STRIP2: variants seen among roughly 807,000 people sequenced by gnomAD.
The protein encoded by STRIP2 is striatin-interacting protein 2.
STRIP2 carries 84 observed loss-of-function variants against 107.1 expected under a neutral mutation model. The observed-to-expected ratio is 0.78, with a 90% CI of 0.66 to 0.94. The LOEUF (loss-of-function observed/expected upper bound fraction) is 0.94. Among genes scored for constraint, STRIP2 ranks in the 40% least tolerant of loss-of-function variants. The probability of loss-of-function intolerance (pLI) is 0.00; values close to 1 mark genes in which losing one functional copy is unlikely to be tolerated. For missense variants in STRIP2, 888 were observed against 1,034.2 expected (o/e 0.86, Z 1.94); for synonymous variants, 394 against 400.4 (o/e 0.98, Z 0.19).
intron 7 of STRIP2, among the ~76,000 whole-genome samples, 175 bp from the exon 8 acceptor site, chr7:129,455,068 TC>T (rs1798305590): frequency 6.6e-6 from 1 of 152,238 alleles, no homozygotes; most frequent in African/African-American, 2.4e-5. Context: ...TGGCGTCCCT[TC>T]CTGCCCTTGA....
Position 129,481,498 on chromosome 7 carries a change from A to AAATAAT in STRIP2, c.2049+628_2049+633dup, listed in dbSNP as rs145902870. ...GGCAACGGAGTGAGACTCCGTCTCA[A>AAATAAT]AATAATAATAATAATAATAATAATG... is the stretch of plus-strand genomic sequence containing the variant. On this transcript the variant is annotated intron_variant, in intron 19 of 20. Transcript: ENST00000249344. Among the ~76,000 whole-genome samples, 513 of 151,700 alleles carry AAATAAT rather than the reference A, an allele frequency of 3.4e-3. 3 individuals are homozygous for AAATAAT. The highest frequency in any genetic ancestry group is 9.6e-3 in the African/African-American group (396 of 41,426).
chr7:129,476,380 C>G (rs1323574305), intron 18 of STRIP2, among the ~76,000 whole-genome samples: 2 of 127,592 alleles, frequency 1.6e-5, no homozygotes, highest in East Asian at 2.6e-4. Context: ...ACTTCTCAGA[C>G]GGGGCGGCTG....
At position 129,437,814 on chromosome 7, in the gene STRIP2, T is replaced by G. The variant is rs547670958; in HGVS notation, c.130-2208T>G. Among the ~76,000 whole-genome samples, 63 of 149,920 alleles carry G rather than the reference T, an allele frequency of 4.2e-4. No homozygotes were observed. The East Asian group carries it at 8.7e-3, about 21-fold the overall frequency. ...ATGATTCGCCTTGTTTTTTTTTGTTTTTTTTTTTTTTGACAGAGTCTCACT... is the reference window on the plus strand; with the variant it reads ...ATGATTCGCCTTGTTTTTTTTTGTTGTTTTTTTTTTTGACAGAGTCTCACT... On this transcript the variant is annotated intron_variant, in intron 1 of 20. Transcript: ENST00000249344.
chr7:129,465,035 G>A (rs1486905718), intron 16 of STRIP2, among the ~76,000 whole-genome samples: 1 of 150,196 alleles, frequency 6.7e-6, no homozygotes, highest in African/African-American at 2.5e-5. Flanking sequence ...AAGAGAGAAT[G>A]TAAGCATTTC....
At chr7:129,443,991 C>T in intron 2 of STRIP2, 33 bp from the exon 3 acceptor site, 3 of 1,569,068 alleles carry the variant, frequency 1.9e-6, no homozygotes, top group Non-Finnish European at 2.6e-6. Context: ...TAAGGATCTC[C>T]CGAATGTGAC....
chr7:129,440,955 TAG>T (rs998734337), intron 2 of STRIP2, among the ~76,000 whole-genome samples: 7 of 152,064 alleles, frequency 4.6e-5, no homozygotes, highest in African/African-American at 1.7e-4. Flanking sequence ...GACAGAGAAA[TAG>T]AGAGCTAAGT....
chr7:129,456,323 G>T (rs1488122344), intron 8 of STRIP2, 116 bp from the exon 9 acceptor site: 31 of 838,738 alleles, frequency 3.7e-5, no homozygotes, highest in Non-Finnish European at 5.5e-5. Context: ...TTAAGGAAAA[G>T]GTCTGAAGGG....
intron 18 of STRIP2, among the ~76,000 whole-genome samples, chr7:129,478,342 T>C (rs1010696570): frequency 5.9e-5 from 9 of 152,002 alleles, no homozygotes; most frequent in Non-Finnish European, 7.4e-5. Context: ...AAACCCCATC[T>C]CTACTAAAAA....
Position 129,482,911 on chromosome 7 carries a change from CT to C in STRIP2, c.2122del (p.Tyr708MetfsTer3). 1 of 1,614,146 alleles carries C rather than the reference CT, an allele frequency of 6.2e-7. No homozygotes were observed. Among genetic ancestry groups the C allele is most frequent in the South Asian group, 1.1e-5 (1 of 91,076 alleles). The part of the protein sequence containing the change: ...ALKVKQAMLQ[L>X]YVLKLLKLQT... ...CAAGGTCAAACAGGCCATGCTGCAA[CT>C]TTATGTCCTAAAGCTACTAAAGTTA... On this transcript the variant is annotated frameshift_variant, in exon 20 of 21. Coordinates refer to ENST00000249344, the MANE Select transcript of STRIP2 (RefSeq NM_020704.3). LOFTEE classifies it high-confidence loss of function.
intron 1 of STRIP2, among the ~76,000 whole-genome samples, chr7:129,437,527 TG>T (rs1433289074): frequency 4.0e-5 from 6 of 151,176 alleles, no homozygotes; most frequent in Admixed American, 1.3e-4. Flanking sequence ...TGTTCCAGTT[TG>T]TGTGTGTGTG....
At chr7:129,444,370 T>A (rs190738173) in intron 3 of STRIP2, among the ~76,000 whole-genome samples, 1 of 152,256 alleles carries the variant, frequency 6.6e-6, no homozygotes, top group East Asian at 1.9e-4. Context: ...ACTGAAGAAC[T>A]TGGAGTCCGA....
chr7:129,460,348 G>A lies in STRIP2; in HGVS notation c.1452G>A (p.Glu484=), dbSNP rs1245418355. 1 of 1,614,002 alleles carries A rather than the reference G, an allele frequency of 6.2e-7. No individual in the cohort carries two copies. The highest frequency in any genetic ancestry group is 1.3e-5 in the African/African-American group (1 of 75,052). ...ATGTGCAGATCAAGAATGAAGAGGA[G>A]CTGGAGAAGTGCCCTATGTCTTTGG... is the stretch of plus-strand genomic sequence containing the variant. The part of the protein sequence containing the change: ...IADVQIKNEE[E]LEKCPMSLGE... Residue 484 remains glutamate (E), a synonymous_variant, in exon 13 of 21, where the codon GAG becomes GAA. Coordinates refer to ENST00000249344, the MANE Select transcript of STRIP2 (RefSeq NM_020704.3).
At chr7:129,437,339 C>T (rs767596930) in intron 1 of STRIP2, among the ~76,000 whole-genome samples, 1 of 151,848 alleles carries the variant, frequency 6.6e-6, no homozygotes, top group Non-Finnish European at 1.5e-5. Context: ...CCCAGCTGCT[C>T]AGGAGGCTGA....
Position 129,460,306 on chromosome 7 carries a change from G to T in STRIP2, c.1410G>T (p.Lys470Asn). The T allele has an allele frequency of 3.1e-6, 5 of 1,613,878 alleles. No homozygotes were observed. Among genetic ancestry groups the T allele is most frequent in the Non-Finnish European group, 4.2e-6 (5 of 1,179,874 alleles). ...TGTCTTCTTATCTTTGTCAGCACAAGTATATCTCCATCGCAGATGTGCAGA... is the reference window on the plus strand; with the variant it reads ...TGTCTTCTTATCTTTGTCAGCACAATTATATCTCCATCGCAGATGTGCAGA... ...HESVKTLKQH[K>N]YISIADVQIK... Residue 470 changes from lysine to asparagine, a missense_variant, in exon 13 of 21, where the codon AAG (lysine) becomes AAT (asparagine). Transcript: ENST00000249344.
chr7:129,485,961 A>G lies in STRIP2; in HGVS notation c.*132A>G, dbSNP rs1799237035. ...GGGCTCTTGGGCCTAAAGATGGTGC[A>G]AGGGTGGGATCCTGAATCACAATAA... On this transcript the variant is annotated 3_prime_UTR_variant, in exon 21 of 21. Transcript: ENST00000249344. 9.8e-7 allele frequency: 1 copy of G among 1,016,312 alleles called. No individual in the cohort carries two copies. Among genetic ancestry groups the G allele is most frequent in the Non-Finnish European group, 1.4e-6 (1 of 694,950 alleles). 63.0% of individuals were successfully genotyped at this position (1,016,312 alleles called of 1,614,324 possible). A position where few individuals can be genotyped will look rare whatever the true frequency, so the allele number is the denominator to read the frequency against.
Position 129,459,679 on chromosome 7 carries a change from T to C in STRIP2, c.1404+99T>C, listed in dbSNP as rs549746776. 1.0e-5 allele frequency: 10 copies of C among 985,806 alleles called. No homozygotes were observed. The African/African-American group carries it at 1.3e-4, about 13-fold the overall frequency. 61.1% of individuals were successfully genotyped at this position (985,806 alleles called of 1,614,324 possible). A position where few individuals can be genotyped will look rare whatever the true frequency, so the allele number is the denominator to read the frequency against. The stretch of plus-strand genomic sequence containing the variant: ...ACTGGGTGGGGCTTTTATACCAGAC[T>C]CTTTCTGGACCTTCTGCATTCCTCC... On this transcript the variant is annotated intron_variant, in intron 12 of 20. Coordinates refer to ENST00000249344, the MANE Select transcript of STRIP2 (RefSeq NM_020704.3).
chr7:129,445,707 G>A (rs1349105606), intron 3 of STRIP2, among the ~76,000 whole-genome samples: 1 of 152,160 alleles, frequency 6.6e-6, no homozygotes, highest in Admixed American at 6.5e-5. Context: ...CAATCCAGCT[G>A]CTTCAGGATG....
Position 129,487,721 on chromosome 7 carries a change from G to C in STRIP2, c.*1892G>C, listed in dbSNP as rs1799272113. On this transcript the variant is annotated 3_prime_UTR_variant, in exon 21 of 21. Transcript: ENST00000249344. ...TGTAAATTAATCTACAGTCAGGCTAGTATGATTTTAATATGATTTGAGTAA... is the reference window on the plus strand; with the variant it reads ...TGTAAATTAATCTACAGTCAGGCTACTATGATTTTAATATGATTTGAGTAA... The C allele has an allele frequency of 6.6e-6, 1 of 152,186 alleles. No individual in the cohort carries two copies. The highest frequency in any genetic ancestry group is 2.1e-4 in the South Asian group (1 of 4,834). The allele number at this position is 152,186 out of a possible 1,614,324, so 9.4% of individuals were successfully genotyped here.
chr7:129,435,041 C>G lies in STRIP2; in HGVS notation c.129+440C>G, dbSNP rs1015896129. On this transcript the variant is annotated intron_variant, in intron 1 of 20. Coordinates refer to ENST00000249344, the MANE Select transcript of STRIP2 (RefSeq NM_020704.3). The stretch of plus-strand genomic sequence containing the variant: ...TTGGCGAGTGGGGCAACCGCAGTCC[C>G]CCTCCCAGGCTGCCTGCGGCGGGCC... Among the ~76,000 whole-genome samples the G allele has an allele frequency of 3.3e-5, 5 of 152,178 alleles. No homozygotes were observed. In the East Asian group the frequency reaches 7.7e-4, roughly 24 times the overall value.
Sources: gnomAD v4.1 joint callset for allele counts (sites outside exome capture counted in the v4.1 genomes callset) on GRCh38, gnomAD v4.1.1 for gene constraint, MANE v1.5 for transcripts, NCBI Gene and HGNC (gene_info 2026-07-23, HGNC 2026-07-21) for gene names.